FGD6: variants seen among roughly 807,000 people sequenced by gnomAD.
FGD6 encodes FYVE, RhoGEF and PH domain-containing protein 6.
In FGD6, 90 loss-of-function variants were observed where a neutral mutation model predicts 149.4. That is an observed-to-expected ratio of 0.60 (90% confidence interval 0.51 to 0.72). The LOEUF (loss-of-function observed/expected upper bound fraction) is 0.72. Among genes scored for constraint, FGD6 ranks in the 30% least tolerant of loss-of-function variants. The pLI is 0.00. For missense variants in FGD6, 1,437 were observed against 1,684.8 expected (o/e 0.85, Z 2.57); for synonymous variants, 527 against 584.0 (o/e 0.90, Z 1.41).
chr12:95,112,796 A>G (rs1171909189), intron 9 of FGD6, among the ~76,000 whole-genome samples: 1 of 152,214 alleles, frequency 6.6e-6, no homozygotes, highest in East Asian at 1.9e-4. Context: ...TGAGTCCCTC[A>G]TGTTGTAATG....
intron 8 of FGD6, among the ~76,000 whole-genome samples, chr12:95,115,704 T>A (rs1427284323): frequency 6.6e-6 from 1 of 152,300 alleles, no homozygotes; most frequent in African/African-American, 2.4e-5. Flanking sequence ...AGTACTATTA[T>A]GGAATAGATA....
intron 3 of FGD6, among the ~76,000 whole-genome samples, chr12:95,155,942 C>T (rs1277113538): frequency 6.6e-6 from 1 of 152,186 alleles, no homozygotes; most frequent in East Asian, 1.9e-4. Context: ...AATCTCTGAA[C>T]ATAAATTGTG....
chr12:95,182,633 T>C (rs1881316875), intron 2 of FGD6, among the ~76,000 whole-genome samples: 1 of 152,266 alleles, frequency 6.6e-6, no homozygotes. Flanking sequence ...ATGAAGATAA[T>C]ATTGAATTAG....
intron 3 of FGD6, among the ~76,000 whole-genome samples, chr12:95,155,390 T>G (rs1339646513): frequency 6.6e-6 from 1 of 151,966 alleles, no homozygotes; most frequent in Non-Finnish European, 1.5e-5. Flanking sequence ...TAGCTGGGTG[T>G]GGTGGCGCAT....
chr12:95,151,007 C>T (rs540847456), intron 5 of FGD6, among the ~76,000 whole-genome samples: 8 of 151,778 alleles, frequency 5.3e-5, no homozygotes, highest in African/African-American at 1.7e-4. Flanking sequence ...ATGGGAGGAT[C>T]GCTTGAGCCC....
Position 95,092,697 on chromosome 12 carries a change from A to G in FGD6, c.3747+2T>C. The stretch of plus-strand genomic sequence containing the variant: ...ATGGAGATGGGTGTTATCATCGCCA[A>G]CCTTTCCACAGGCCCGGCAGTGGTG... On this transcript the variant is annotated splice_donor_variant, in intron 16 of 20. Transcript: ENST00000343958. LOFTEE classifies it high-confidence loss of function. 1.2e-6 allele frequency: 2 copies of G among 1,613,824 alleles called. No individual in the cohort carries two copies. The highest frequency in any genetic ancestry group is 1.7e-6 in the Non-Finnish European group (2 of 1,179,956).
chr12:95,188,365 A>G (rs1241042888), intron 2 of FGD6, among the ~76,000 whole-genome samples: 1 of 150,224 alleles, frequency 6.7e-6, no homozygotes, highest in South Asian at 2.1e-4. Flanking sequence ...AAATAAGCAG[A>G]TGGGCAAAGC....
chr12:95,082,984 T>TTAAAA lies in FGD6; in HGVS notation c.4257-1429_4257-1428insTTTTA, dbSNP rs1386719189. Among the ~76,000 whole-genome samples the TTAAAA allele has an allele frequency of 2.3e-3, 73 of 31,128 alleles. 9 individuals are homozygous for TTAAAA. Among genetic ancestry groups the TTAAAA allele is most frequent in the Admixed American group, 5.7e-3 (9 of 1,566 alleles). The allele number at this position is 31,128 out of a possible 152,430, so 20.4% of individuals were successfully genotyped here. A position where few individuals can be genotyped will look rare whatever the true frequency, so the allele number is the denominator to read the frequency against. On this transcript the variant is annotated intron_variant, in intron 20 of 20. Transcript: ENST00000343958. Reference sequence around the variant, plus strand: ...CAACATTGCTAGACTCTGTCTCCATTAAAAAAAAAAAAAAAAAAAAAAAAA... The same window carrying TTAAAA: ...CAACATTGCTAGACTCTGTCTCCATTTAAAAAAAAAAAAAAAAAAAAAAAAAAAAA...
chr12:95,120,228 A>AAAAT (rs1879147741), intron 8 of FGD6, among the ~76,000 whole-genome samples: 3 of 151,018 alleles, frequency 2.0e-5, no homozygotes, highest in African/African-American at 4.9e-5. Context: ...GTCCGTCTCA[A>AAAAT]AAATAAATAA....
chr12:95,161,119 G>T (rs1263514082), intron 3 of FGD6, among the ~76,000 whole-genome samples: 3 of 152,036 alleles, frequency 2.0e-5, no homozygotes, highest in Admixed American at 1.3e-4. Flanking sequence ...GATGGAGGAT[G>T]CAGTGAGCCA....
chr12:95,165,633 C>T (rs538629393), intron 3 of FGD6, among the ~76,000 whole-genome samples: 15 of 150,490 alleles, frequency 1.0e-4, no homozygotes, highest in African/African-American at 2.9e-4. Context: ...CCACCGCGCC[C>T]GGCCAATTTT....
chr12:95,186,773 A>G (rs901638916), intron 2 of FGD6, among the ~76,000 whole-genome samples: 29 of 152,188 alleles, frequency 1.9e-4, no homozygotes, highest in African/African-American at 6.0e-4. Flanking sequence ...AAGAAGCAGT[A>G]TATTTCCTTT....
At chr12:95,117,428 TTTTC>T (rs2136246525) in intron 8 of FGD6, among the ~76,000 whole-genome samples, 1 of 146,740 alleles carries the variant, frequency 6.8e-6, no homozygotes, top group East Asian at 1.9e-4. Flanking sequence ...TGCCTTTTTT[TTTTC>T]TTTCTTTTTT....
chr12:95,131,577 T>C (rs905649046), intron 8 of FGD6, among the ~76,000 whole-genome samples: 7 of 152,050 alleles, frequency 4.6e-5, no homozygotes, highest in Non-Finnish European at 1.0e-4. Context: ...ACAAAGAGAA[T>C]GGACTTCTGA....
chr12:95,197,973 C>T (rs949693120), intron 2 of FGD6, among the ~76,000 whole-genome samples: 1 of 152,164 alleles, frequency 6.6e-6, no homozygotes, highest in African/African-American at 2.4e-5. Context: ...TGAACTCTTC[C>T]TGCATGAAAA....
chr12:95,192,809 T>C (rs1229138508), intron 2 of FGD6, among the ~76,000 whole-genome samples: 1 of 152,126 alleles, frequency 6.6e-6, no homozygotes, highest in Non-Finnish European at 1.5e-5. Flanking sequence ...AAATTCTCTG[T>C]CTGGGAAAAG....
At chr12:95,201,313 C>T (rs2056661142) in intron 2 of FGD6, among the ~76,000 whole-genome samples, 1 of 152,144 alleles carries the variant, frequency 6.6e-6, no homozygotes, top group South Asian at 2.1e-4. Flanking sequence ...TTTCCCTCCT[C>T]AACACACTAA....
At chr12:95,122,277 C>G (rs905833761) in intron 8 of FGD6, among the ~76,000 whole-genome samples, 2 of 152,108 alleles carry the variant, frequency 1.3e-5, no homozygotes, top group African/African-American at 2.4e-5. Flanking sequence ...ATTTTATGCA[C>G]AAATGCTAAA....
chr12:95,113,987 C>G (rs968807407), intron 8 of FGD6, among the ~76,000 whole-genome samples: 1 of 152,168 alleles, frequency 6.6e-6, no homozygotes, highest in South Asian at 2.1e-4. Flanking sequence ...CTCTAGTTGG[C>G]AGAGCCAGCA....
Sources: gnomAD v4.1 joint callset for allele counts (sites outside exome capture counted in the v4.1 genomes callset) on GRCh38, gnomAD v4.1.1 for gene constraint, MANE v1.5 for transcripts, NCBI Gene and HGNC (gene_info 2026-07-23, HGNC 2026-07-21) for gene names.